Variants in ARIH1 observed in about 807,000 individuals in gnomAD.
ARIH1 encodes the protein ariadne RBR E3 ubiquitin protein ligase 1.
A neutral mutation model predicts 85.0 loss-of-function variants in ARIH1; 8 were observed. That is an observed-to-expected ratio of 0.09 (90% CI 0.06 to 0.17). The LOEUF is 0.17. Among genes scored for constraint, ARIH1 ranks in the 10% least tolerant of loss-of-function variants. The pLI is 1.00. For missense variants in ARIH1, 311 were observed against 718.1 expected, an observed-to-expected ratio of 0.43 and a Z score of 6.48; for synonymous variants, 238 against 253.6, an observed-to-expected ratio of 0.94 and a Z score of 0.59.
At chr15:72,485,815 A>G (rs1267359508) in intron 1 of ARIH1, among the ~76,000 whole-genome samples, 1 of 152,206 alleles carries the variant, frequency 6.6e-6, no homozygotes, top group Non-Finnish European at 1.5e-5. Context: ...CTATATTACT[A>G]TGTAACTTTG....
At chr15:72,547,385 A>T (rs542779308) in intron 3 of ARIH1, among the ~76,000 whole-genome samples, 2 of 150,438 alleles carry the variant, frequency 1.3e-5, no homozygotes, top group Non-Finnish European at 3.0e-5. Flanking sequence ...AGCGCCGGCC[A>T]CCACACCCGG....
intron 4 of ARIH1, 132 bp from the exon 5 acceptor site, chr15:72,555,720 T>C (rs1300778708): frequency 1.3e-6 from 1 of 753,426 alleles, no homozygotes; most frequent in African/African-American, 1.8e-5. Context: ...ACATTTCCTT[T>C]AAGGAGAAAG....
At chr15:72,521,016 A>G (rs922707660) in intron 2 of ARIH1, among the ~76,000 whole-genome samples, 1 of 151,480 alleles carries the variant, frequency 6.6e-6, no homozygotes, top group East Asian at 1.9e-4. Flanking sequence ...GTTAGTTTTT[A>G]TATTTTTTTG....
In ARIH1 at chr15:72,528,862, C is replaced by CA. The variant is rs543663999; in HGVS notation, c.443+10734dup. Among the ~76,000 whole-genome samples, 178 of 151,914 alleles carry CA rather than the reference C, an allele frequency of 1.2e-3. 1 individual carries two copies. The highest frequency in any genetic ancestry group is 3.4e-3 in the Middle Eastern group (1 of 294). ...GTGAGACCCTGTCTCAGACAAAAAACAAAAAACAATTCACGTATTATTGAG... is the reference window on the plus strand; with the variant it reads ...GTGAGACCCTGTCTCAGACAAAAAACAAAAAAACAATTCACGTATTATTGAG... On this transcript the variant is annotated intron_variant, in intron 2 of 13. Coordinates refer to ENST00000379887, the MANE Select transcript of ARIH1 (RefSeq NM_005744.5).
intron 3 of ARIH1, among the ~76,000 whole-genome samples, chr15:72,548,176 A>G (rs970993161): frequency 2.0e-5 from 3 of 152,154 alleles, no homozygotes; most frequent in Non-Finnish European, 4.4e-5. Flanking sequence ...ATAAGATACG[A>G]TACTGTGGGA....
chr15:72,495,399 A>G (rs968439280), intron 1 of ARIH1, among the ~76,000 whole-genome samples: 5 of 152,192 alleles, frequency 3.3e-5, no homozygotes, highest in Non-Finnish European at 7.4e-5. Context: ...AGTCTAATTC[A>G]GTATTCCCCA....
At chr15:72,577,567 G>C (rs546346312) in intron 11 of ARIH1, among the ~76,000 whole-genome samples, 64 of 152,166 alleles carry the variant, frequency 4.2e-4, no homozygotes, top group African/African-American at 1.5e-3. Context: ...GAGCTACTTG[G>C]GAAGATAAGG....
rs2064292501 is a variant in ARIH1 at position 72,580,799 on chromosome 15, G to A, written c.1284G>A (p.Leu428=). The part of the protein sequence containing the change: ...CNRYMNHMQS[L]RFEHKLYAQV... ...GCTATATGAACCACATGCAGAGCCTGCGCTTTGAGCACAAACTATATGCTC... is the reference window on the plus strand; with the variant it reads ...GCTATATGAACCACATGCAGAGCCTACGCTTTGAGCACAAACTATATGCTC... Residue 428 remains leucine, a synonymous_variant, in exon 12 of 14, where the codon CTG becomes CTA. Transcript: ENST00000379887. 6.2e-7 allele frequency: 1 copy of A among 1,614,042 alleles called. No homozygotes were observed. The highest frequency in any genetic ancestry group is 1.3e-5 in the African/African-American group (1 of 74,938).
intron 7 of ARIH1, among the ~76,000 whole-genome samples, chr15:72,564,643 G>T (rs1238481873): frequency 6.6e-6 from 1 of 152,156 alleles, no homozygotes; most frequent in African/African-American, 2.4e-5. Flanking sequence ...CTGTCTTAAT[G>T]TTCAGGCTTT....
chr15:72,507,062 G>A (rs560436070), intron 1 of ARIH1, among the ~76,000 whole-genome samples: 6 of 152,094 alleles, frequency 3.9e-5, no homozygotes, highest in South Asian at 2.1e-4. Flanking sequence ...GTGCCCTGTC[G>A]CCCAGGCTGG....
intron 1 of ARIH1, among the ~76,000 whole-genome samples, chr15:72,493,591 A>T (rs1227743986): frequency 6.6e-6 from 1 of 152,226 alleles, no homozygotes; most frequent in African/African-American, 2.4e-5. Context: ...CCTCCGACTC[A>T]GAATTTACAA....
intron 11 of ARIH1, among the ~76,000 whole-genome samples, chr15:72,576,135 T>C (rs1052822982): frequency 2.6e-5 from 4 of 152,150 alleles, no homozygotes; most frequent in Non-Finnish European, 5.9e-5. Flanking sequence ...AAGTAGTATC[T>C]GTTATGTAGG....
chr15:72,564,839 C>G (rs1399302934), intron 7 of ARIH1, among the ~76,000 whole-genome samples: 1 of 152,104 alleles, frequency 6.6e-6, no homozygotes, highest in Non-Finnish European at 1.5e-5. Context: ...CAAGGCAGCT[C>G]TCTGGGCCCC....
intron 2 of ARIH1, among the ~76,000 whole-genome samples, chr15:72,534,085 A>C (rs1405393565): frequency 6.6e-6 from 1 of 152,170 alleles, no homozygotes; most frequent in Non-Finnish European, 1.5e-5. Flanking sequence ...AGCATAGATA[A>C]ATCTTAAAAA....
In ARIH1 at chr15:72,586,192, A is replaced by C. The variant is rs2064315987; in HGVS notation, c.*2900A>C. On this transcript the variant is annotated 3_prime_UTR_variant, in exon 14 of 14. Transcript: ENST00000379887. ...ATGTTAGATACACGTGTATACATAC[A>C]CCCATATACAACAGATCCAAGACTG... The C allele has an allele frequency of 6.6e-6, 1 of 152,220 alleles. No homozygotes were observed. The highest frequency in any genetic ancestry group is 2.1e-4 in the South Asian group (1 of 4,838). The allele number at this position is 152,220 out of a possible 1,614,324, so 9.4% of individuals were successfully genotyped here.
At chr15:72,567,063 A>T (rs2064223945) in intron 8 of ARIH1, 43 bp from the exon 9 acceptor site, 1 of 1,469,292 alleles carries the variant, frequency 6.8e-7, no homozygotes, top group Non-Finnish European at 9.4e-7. Context: ...TGCTATTTTT[A>T]AAAGTCTTTT....
intron 1 of ARIH1, among the ~76,000 whole-genome samples, chr15:72,504,239 G>A (rs2063915249): frequency 2.0e-5 from 3 of 152,090 alleles, no homozygotes; most frequent in Admixed American, 2.0e-4. Context: ...ATTTTTAGTA[G>A]AGATGGCGTT....
Position 72,587,303 on chromosome 15 carries a change from C to T in ARIH1, c.*4011C>T, listed in dbSNP as rs1368026265. 2.5e-6 allele frequency: 1 copy of T among 401,392 alleles called. No individual in the cohort carries two copies. The highest frequency in any genetic ancestry group is 1.5e-5 in the South Asian group (1 of 65,538). 24.9% of individuals were successfully genotyped at this position (401,392 alleles called of 1,614,324 possible). A position where few individuals can be genotyped will look rare whatever the true frequency, so the allele number is the denominator to read the frequency against. On this transcript the variant is annotated 3_prime_UTR_variant, in exon 14 of 14. Coordinates refer to ENST00000379887, the MANE Select transcript of ARIH1 (RefSeq NM_005744.5). The stretch of plus-strand genomic sequence containing the variant: ...GTATTCTGTACCAGGGAAGGTAGTT[C>T]TTAACTATATTGTACTTTTAAACCA...
At chr15:72,533,105 T>G (rs2064065190) in intron 2 of ARIH1, among the ~76,000 whole-genome samples, 1 of 152,156 alleles carries the variant, frequency 6.6e-6, no homozygotes, top group African/African-American at 2.4e-5. Context: ...AATACAGTGT[T>G]GTAAGAGAAA....
Sources: allele counts gnomAD v4.1 joint callset (sites outside exome capture counted in the v4.1 genomes callset), GRCh38; gene constraint gnomAD v4.1.1; transcripts MANE v1.5; gene names NCBI Gene and HGNC (gene_info 2026-07-23, HGNC 2026-07-21).